SKIC3: variants seen among roughly 807,000 people sequenced by gnomAD.
The protein encoded by SKIC3 is SKI3 subunit of superkiller complex, also known as superkiller complex protein 3.
At chr5:95,502,751 C>A in the SKIC3 span, 1 of 1,105,922 alleles carries the variant, frequency 9.0e-7, no homozygotes, top group South Asian at 1.3e-5. Flanking sequence ...CAATTCAGAA[C>A]CAGGTGGGCC....
the SKIC3 span, among the ~76,000 whole-genome samples, chr5:95,476,925 C>T: frequency 1.3e-5 from 2 of 152,158 alleles, no homozygotes; most frequent in East Asian, 3.8e-4. Flanking sequence ...AGACTAAGTG[C>T]TATAGTTTGC....
the SKIC3 span, among the ~76,000 whole-genome samples, chr5:95,520,191 A>G: frequency 6.6e-6 from 1 of 151,878 alleles, no homozygotes; most frequent in Non-Finnish European, 1.5e-5. Flanking sequence ...TAAAATGCCA[A>G]ATCTACTCAA....
the SKIC3 span, chr5:95,495,147 A>G: frequency 2.5e-6 from 2 of 791,824 alleles, no homozygotes; most frequent in Non-Finnish European, 4.2e-6. Flanking sequence ...CAACTCCTAA[A>G]CTTCTTAAAA....
the SKIC3 span, among the ~76,000 whole-genome samples, chr5:95,476,993 TC>T: frequency 1.3e-5 from 2 of 152,160 alleles, no homozygotes; most frequent in African/African-American, 4.8e-5. Flanking sequence ...TTTCCCAGCA[TC>T]AACAAAAATC....
chr5:95,467,895 A>G, the SKIC3 span: 6 of 1,613,612 alleles, frequency 3.7e-6, no homozygotes, highest in South Asian at 1.1e-5. Flanking sequence ...TCTTTGGCAT[A>G]TAAGTGTCTC....
the SKIC3 span, chr5:95,495,071 G>T: frequency 6.3e-7 from 1 of 1,579,530 alleles, no homozygotes; most frequent in South Asian, 1.1e-5. Context: ...TCATGAAAAA[G>T]AAAAAATTAA....
At chr5:95,541,680 C>G in the SKIC3 span, 3 of 688,210 alleles carry the variant, frequency 4.4e-6, no homozygotes, top group South Asian at 5.9e-5. Context: ...ACAAAAGATT[C>G]TACGACAAAT....
the SKIC3 span, chr5:95,467,906 A>C: frequency 6.2e-7 from 1 of 1,613,582 alleles, no homozygotes; most frequent in East Asian, 2.2e-5. Context: ...TAAGTGTCTC[A>C]GTAGGTACCA....
At chr5:95,547,174 T>TA in the SKIC3 span, 1 of 1,605,080 alleles carries the variant, frequency 6.2e-7, no homozygotes, top group South Asian at 1.1e-5. Context: ...AAAGCCTGAG[T>TA]AAATCTACAG....
chr5:95,498,463 C>T, the SKIC3 span: 2 of 1,614,158 alleles, frequency 1.2e-6, no homozygotes, highest in Non-Finnish European at 1.7e-6. Flanking sequence ...CTGATAATTA[C>T]TGTCTTTGTG....
chr5:95,528,736 G>C, the SKIC3 span: 12 of 439,598 alleles, frequency 2.7e-5, no homozygotes, highest in South Asian at 2.4e-4. Context: ...CAAAGACAGA[G>C]GACCTCCACA....
At chr5:95,477,698 C>T in the SKIC3 span, among the ~76,000 whole-genome samples, 1 of 152,136 alleles carries the variant, frequency 6.6e-6, no homozygotes, top group African/African-American at 2.4e-5. Flanking sequence ...CACAAACACA[C>T]ATGGTATATT....
At chr5:95,524,467 T>C in the SKIC3 span, 3 of 1,612,876 alleles carry the variant, frequency 1.9e-6, no homozygotes, top group Non-Finnish European at 2.5e-6. Context: ...TGCTTTACCT[T>C]CAGAAAGTGG....
At chr5:95,487,212 G>C in the SKIC3 span, among the ~76,000 whole-genome samples, 3 of 152,136 alleles carry the variant, frequency 2.0e-5, no homozygotes, top group Non-Finnish European at 4.4e-5. Context: ...CAGTGTGGGG[G>C]CTGGGACTGG....
the SKIC3 span, chr5:95,536,861 A>G: frequency 1.9e-6 from 3 of 1,613,716 alleles, no homozygotes; most frequent in South Asian, 2.2e-5. Context: ...TGGATACTGT[A>G]CAGTAGGATA....
At chr5:95,514,994 A>T in the SKIC3 span, 484 of 1,467,202 alleles carry the variant, frequency 3.3e-4, 9 homozygotes, top group South Asian at 5.4e-3. Context: ...ATGTTTAAAA[A>T]GCATAAAATA....
the SKIC3 span, among the ~76,000 whole-genome samples, chr5:95,496,897 T>C: frequency 9.2e-5 from 14 of 152,302 alleles, no homozygotes; most frequent in Admixed American, 5.9e-4. Context: ...CAGAAGTTAA[T>C]AGAAGAATAG....
chr5:95,554,409 CAA>C, the SKIC3 span, among the ~76,000 whole-genome samples: 1 of 152,158 alleles, frequency 6.6e-6, no homozygotes, highest in Non-Finnish European at 1.5e-5. Flanking sequence ...ATTCAACAGT[CAA>C]AAGAGACCGG....
At chr5:95,545,151 G>GT in the SKIC3 span, among the ~76,000 whole-genome samples, 1 of 152,246 alleles carries the variant, frequency 6.6e-6, no homozygotes, top group East Asian at 1.9e-4. Context: ...GACAGCTATG[G>GT]TGGTGCTGTA....
Sources: allele counts gnomAD v4.1 joint callset (sites outside exome capture counted in the v4.1 genomes callset), GRCh38; gene constraint gnomAD v4.1.1; transcripts MANE v1.5; gene names NCBI Gene and HGNC (gene_info 2026-07-23, HGNC 2026-07-21).